Variants in FMNL2 observed in about 807,000 individuals in gnomAD.
FMNL2 encodes formin like 2.
In FMNL2, 51 loss-of-function variants were observed where a neutral mutation model predicts 130.2. That is an observed-to-expected ratio of 0.39 (90% confidence interval 0.31 to 0.49). The LOEUF (loss-of-function observed/expected upper bound fraction) is 0.49, where lower values mean the gene tolerates loss of function less well. Ranked by LOEUF, FMNL2 falls within the 20% of genes least tolerant of loss-of-function variation. FMNL2 has a pLI of 0.85. For missense variants in FMNL2, 977 were observed against 1,316.2 expected (o/e 0.74, Z 3.99); for synonymous variants, 465 against 467.1 (o/e 1.00, Z 0.06).
chr2:152,448,765 A>G (rs961260356), intron 1 of FMNL2, among the ~76,000 whole-genome samples: 5 of 152,244 alleles, frequency 3.3e-5, no homozygotes, highest in African/African-American at 4.8e-5. Flanking sequence ...TGAGGTAAGA[A>G]AAACATTTTT....
chr2:152,378,986 CAAAAAAAAAA>C (rs34091948), intron 1 of FMNL2, among the ~76,000 whole-genome samples: 4 of 41,980 alleles, frequency 9.5e-5, no homozygotes, highest in African/African-American at 2.3e-4. Flanking sequence ...AGACCAGCTG[CAAAAAAAAAA>C]AAAAAAAAAA....
chr2:152,582,340 C>T lies in FMNL2; in HGVS notation c.876+1291C>T, dbSNP rs560776224. 3.3e-5 allele frequency among the ~76,000 whole-genome samples: 5 copies of T among 152,306 alleles called. No homozygotes were observed. In the East Asian group the frequency reaches 7.7e-4, roughly 24 times the overall value. On this transcript the variant is annotated intron_variant, in intron 9 of 25. Transcript: ENST00000288670. ...AATGTTCTAGACACCAGCCTGTGAG[C>T]CTCTGCATAGGCTGGGAAGCTTCAA...
chr2:152,625,941 CTG>C lies in FMNL2; in HGVS notation c.1962+382_1962+383del, dbSNP rs554711063. On this transcript the variant is annotated intron_variant, in intron 16 of 25. Coordinates refer to ENST00000288670, the MANE Select transcript of FMNL2 (RefSeq NM_052905.4). ...GATAATTTTAATCTGTGGCAGCTGT[CTG>C]TGCAAGCTAATTATTGAAAAGTAAT... 2.4e-4 allele frequency among the ~76,000 whole-genome samples: 36 copies of C among 152,234 alleles called. 1 individual carries two copies. The South Asian group carries it at 6.0e-3, about 25-fold the overall frequency.
rs530493635 is a variant in FMNL2 at position 152,339,806 on chromosome 2, T to G, written c.117+4086T>G. On this transcript the variant is annotated intron_variant, in intron 1 of 25. Transcript: ENST00000288670. ...GGAGTGGGAACATTTTCTGAGTATC[T>G]ACTATGAGTAGGCCTTTTACATGTT... 2.2e-4 allele frequency among the ~76,000 whole-genome samples: 33 copies of G among 152,338 alleles called. No homozygotes were observed. In the South Asian group the frequency reaches 5.8e-3, roughly 27 times the overall value.
intron 1 of FMNL2, among the ~76,000 whole-genome samples, chr2:152,430,009 G>T (rs971895886): frequency 6.6e-6 from 1 of 152,088 alleles, no homozygotes; most frequent in Admixed American, 6.5e-5. Context: ...GTTTACTTAC[G>T]TAACAAACCT....
At chr2:152,624,064 CCCTCCCCTCCACTCAATTCCCTTCG>C (rs1486619801) in intron 15 of FMNL2, among the ~76,000 whole-genome samples, 334 of 3,122 alleles carry the variant, frequency 0.11, 17 homozygotes, top group Non-Finnish European at 0.15. Flanking sequence ...CCCTCCCCTC[CCCTCCCCTCCACTCAATTCCCTTCG>C]CCTCCCCTCC....
chr2:152,520,812 G>T (rs562823002), intron 1 of FMNL2, among the ~76,000 whole-genome samples: 38 of 152,182 alleles, frequency 2.5e-4, no homozygotes, highest in Middle Eastern at 3.4e-3. Flanking sequence ...TGTTAAACTT[G>T]TTTCACCCTA....
intron 18 of FMNL2, among the ~76,000 whole-genome samples, chr2:152,629,318 G>A (rs1482493213): frequency 6.6e-6 from 1 of 152,106 alleles, no homozygotes; most frequent in Admixed American, 6.5e-5. Context: ...CATGATTAGA[G>A]GTGGTAGGCA....
intron 1 of FMNL2, among the ~76,000 whole-genome samples, chr2:152,503,467 A>G (rs1423190863): frequency 6.6e-6 from 1 of 152,158 alleles, no homozygotes; most frequent in African/African-American, 2.4e-5. Flanking sequence ...GAGGGTGGGG[A>G]ATTCTGGATA....
chr2:152,491,515 A>C (rs757833885), intron 1 of FMNL2, among the ~76,000 whole-genome samples: 1 of 152,208 alleles, frequency 6.6e-6, no homozygotes, highest in Admixed American at 6.5e-5. Flanking sequence ...AGCTAAATTG[A>C]CCACAAGAAA....
At chr2:152,559,673 C>G (rs1007560933) in intron 5 of FMNL2, among the ~76,000 whole-genome samples, 2 of 152,196 alleles carry the variant, frequency 1.3e-5, no homozygotes, top group African/African-American at 2.4e-5. Flanking sequence ...CTGAGAGGAA[C>G]ACACGCTGAA....
At chr2:152,524,641 T>G (rs1225168186) in intron 2 of FMNL2, among the ~76,000 whole-genome samples, 2 of 152,190 alleles carry the variant, frequency 1.3e-5, no homozygotes, top group African/African-American at 4.8e-5. Flanking sequence ...CCCCTGAAGC[T>G]ACTTAGCTGT....
intron 1 of FMNL2, among the ~76,000 whole-genome samples, chr2:152,510,850 C>A (rs1692463497): frequency 6.6e-6 from 1 of 152,176 alleles, no homozygotes; most frequent in South Asian, 2.1e-4. Flanking sequence ...CTGTGGGTTT[C>A]TGGAAATGAG....
chr2:152,385,499 C>A (rs977847714), intron 1 of FMNL2, among the ~76,000 whole-genome samples: 7 of 152,174 alleles, frequency 4.6e-5, no homozygotes, highest in African/African-American at 1.7e-4. Flanking sequence ...TTAAACTGTG[C>A]CGTGATTAGA....
At chr2:152,636,720 CTAT>C in intron 22 of FMNL2, 130 bp downstream of exon 22, 1 of 1,122,686 alleles carries the variant, frequency 8.9e-7, no homozygotes, top group Non-Finnish European at 1.2e-6. Flanking sequence ...CTTGTTGTAA[CTAT>C]TATTTATTAC....
intron 1 of FMNL2, among the ~76,000 whole-genome samples, chr2:152,499,432 T>A (rs1470161768): frequency 6.6e-6 from 1 of 152,208 alleles, no homozygotes; most frequent in Non-Finnish European, 1.5e-5. Context: ...TTGTTGTGAT[T>A]GCTGCTGTTG....
At position 152,469,632 on chromosome 2, in the gene FMNL2, C is replaced by G. The variant is rs190780189; in HGVS notation, c.118-52311C>G. Among the ~76,000 whole-genome samples the G allele has an allele frequency of 3.3e-5, 5 of 152,272 alleles. No homozygotes were observed. In the East Asian group the frequency reaches 9.6e-4, roughly 29 times the overall value. ...GGTGGAAATGCTGAACCTCCTGTGT[C>G]CTTATGCTCCGCTTGGAGAGGTCAT... On this transcript the variant is annotated intron_variant, in intron 1 of 25. Transcript: ENST00000288670.
At chr2:152,620,681 A>G (rs551416725) in intron 15 of FMNL2, among the ~76,000 whole-genome samples, 1 of 152,316 alleles carries the variant, frequency 6.6e-6, no homozygotes, top group African/African-American at 2.4e-5. Flanking sequence ...AGCCAGTCTT[A>G]GCTGTAAAGA....
chr2:152,634,260 C>T (rs922510973), intron 21 of FMNL2, among the ~76,000 whole-genome samples: 2 of 151,854 alleles, frequency 1.3e-5, no homozygotes, highest in Non-Finnish European at 2.9e-5. Flanking sequence ...TAGCGAAACC[C>T]TGTCTCTACT....
Sources: gnomAD v4.1 joint callset for allele counts (sites outside exome capture counted in the v4.1 genomes callset) on GRCh38, gnomAD v4.1.1 for gene constraint, MANE v1.5 for transcripts, NCBI Gene and HGNC (gene_info 2026-07-23, HGNC 2026-07-21) for gene names.